The following EIF2AK3 variants were observed in gnomAD, a reference collection of about 807,000 sequenced individuals.
EIF2AK3 encodes eukaryotic translation initiation factor 2 alpha kinase 3.
EIF2AK3 carries 50 observed loss-of-function variants against 113.5 expected under a neutral mutation model. That is an observed-to-expected ratio of 0.44 (90% CI 0.35 to 0.56). The LOEUF is 0.56. EIF2AK3 is among the 20% of genes least tolerant of loss of function. EIF2AK3 has a pLI of 0.00. For synonymous variants in EIF2AK3, 448 were observed against 495.4 expected (o/e 0.90, Z 1.27); for missense variants, 1,185 against 1,378.0 (o/e 0.86, Z 2.22).
At chr2:88,562,455 T>G in intron 14 of EIF2AK3, 65 bp from the exon 15 acceptor site, 1 of 1,324,574 alleles carries the variant, frequency 7.5e-7, no homozygotes, top group African/African-American at 1.4e-5. Context: ...TATTACAGCA[T>G]TATTGAATCC....
chr2:88,571,840 C>T (rs1055422535), intron 13 of EIF2AK3, among the ~76,000 whole-genome samples: 1 of 152,172 alleles, frequency 6.6e-6, no homozygotes, highest in Non-Finnish European at 1.5e-5. Flanking sequence ...TCCCAGATCT[C>T]TGCCCTGAGT....
chr2:88,557,383 CCTT>C lies in EIF2AK3; in HGVS notation c.*350_*352del, dbSNP rs1047800138. ...TACAGTTACCACACAGGGGGACTTTCCTTCTTCTGCATTATAAAAATATATCCA... is the reference window on the plus strand; with the variant it reads ...TACAGTTACCACACAGGGGGACTTTCCTTCTGCATTATAAAAATATATCCA... On this transcript the variant is annotated 3_prime_UTR_variant, in exon 17 of 17. Transcript: ENST00000303236. 8 of 245,474 alleles carry C rather than the reference CCTT, an allele frequency of 3.3e-5. No individual in the cohort carries two copies. The East Asian group carries it at 5.5e-4, about 17-fold the overall frequency. 15.2% of individuals were successfully genotyped at this position (245,474 alleles called of 1,614,324 possible). A position where few individuals can be genotyped will look rare whatever the true frequency, so the allele number is the denominator to read the frequency against.
intron 13 of EIF2AK3, among the ~76,000 whole-genome samples, chr2:88,572,637 A>G (rs1200326395): frequency 6.6e-6 from 1 of 152,222 alleles, no homozygotes; most frequent in African/African-American, 2.4e-5. Flanking sequence ...GATCTCAGCT[A>G]AAGCTTTACC....
At chr2:88,617,780 T>C (rs1238325834) in intron 1 of EIF2AK3, among the ~76,000 whole-genome samples, 1 of 151,118 alleles carries the variant, frequency 6.6e-6, no homozygotes, top group Non-Finnish European at 1.5e-5. Context: ...AAAACTACCA[T>C]TGGGTACTAT....
rs1032902320 is a variant in EIF2AK3, at chr2:88,557,761, G to C, written c.3326C>G (p.Ser1109Cys). 1.2e-6 allele frequency: 2 copies of C among 1,614,002 alleles called. No homozygotes were observed. Among genetic ancestry groups the C allele is most frequent in the African/African-American group, 1.3e-5 (1 of 74,932 alleles). The change falls in exon 17 of 17, where the codon TCC becomes TGC. Residue 1109 changes from serine to cysteine, a missense_variant. Coordinates refer to ENST00000303236, the MANE Select transcript of EIF2AK3 (RefSeq NM_004836.7). ...CTAATTGCTTGGCAAAGGGCTATGG[G>C]AGTTGTTGGACTGTCTTGAATGTTT... is the stretch of plus-strand genomic sequence containing the variant. ...GTKHSRQSNN[S>C]HSPLPSN
intron 14 of EIF2AK3, among the ~76,000 whole-genome samples, chr2:88,566,294 TTC>T (rs968290203): frequency 1.3e-5 from 2 of 152,146 alleles, no homozygotes; most frequent in Non-Finnish European, 2.9e-5. Context: ...TATTTTTCAT[TTC>T]TTTCATTTTT....
intron 3 of EIF2AK3, among the ~76,000 whole-genome samples, chr2:88,594,895 T>TA (rs572357754): frequency 2.9e-5 from 4 of 137,480 alleles, no homozygotes; most frequent in Non-Finnish European, 3.2e-5. Context: ...AAATAATGTA[T>TA]AAAAAAAAGA....
At chr2:88,599,712 C>T (rs1054380894) in intron 2 of EIF2AK3, among the ~76,000 whole-genome samples, 1 of 152,080 alleles carries the variant, frequency 6.6e-6, no homozygotes, top group Non-Finnish European at 1.5e-5. Context: ...CTGCAGTAAA[C>T]AGATAGCGTT....
In EIF2AK3 at chr2:88,558,833, T is replaced by C. The variant is rs762127998; in HGVS notation, c.3150+84A>G. 81 of 1,120,634 alleles carry C rather than the reference T, an allele frequency of 7.2e-5. 1 individual carries two copies. Among genetic ancestry groups the C allele is most frequent in the Middle Eastern group, 6.0e-4 (3 of 5,028 alleles). The allele number at this position is 1,120,634 out of a possible 1,614,324, so 69.4% of individuals were successfully genotyped here. ...ACCTTTGGCTTCCTCATCTGTAAAA[T>C]AGGGGAAACTGAGTCGACTGCTAAG... On this transcript the variant is annotated intron_variant, in intron 16 of 16. Transcript: ENST00000303236.
intron 2 of EIF2AK3, among the ~76,000 whole-genome samples, chr2:88,601,862 CT>C (rs1675160237): frequency 2.2e-5 from 1 of 45,864 alleles, no homozygotes. Flanking sequence ...TTTTGCTTTT[CT>C]TTTTTTGAGA....
At chr2:88,604,251 C>T (rs10187483) in intron 2 of EIF2AK3, among the ~76,000 whole-genome samples, 22,550 of 152,068 alleles carry the variant, frequency 0.15, 2,860 homozygotes, top group African/African-American at 0.35. Flanking sequence ...GATCCTGGCC[C>T]ACCTCAATGG....
rs935323305 is a variant in EIF2AK3 at position 88,627,190 on chromosome 2, C to G, written c.85G>C (p.Ala29Pro). The change falls in exon 1 of 17, where the codon GCC (alanine) becomes CCC (proline). Residue 29 changes from alanine to proline, a missense_variant. Transcript: ENST00000303236. Reference protein sequence around the residue: ...LLLGLAARTVAAGRARGLPAP... With the variant: ...LLLGLAARTVPAGRARGLPAP... ...GGGAGGCCACGGGCGCGCCCCGCGG[C>G]CACCGTCCTTGCCGCGAGCCCCAGC... 15 of 1,453,526 alleles carry G rather than the reference C, an allele frequency of 1.0e-5. No individual in the cohort carries two copies. In the African/African-American group the frequency reaches 2.1e-4, roughly 20 times the overall value. The allele number at this position is 1,453,526 out of a possible 1,614,324, so 90.0% of individuals were successfully genotyped here.
chr2:88,574,606 T>C, intron 13 of EIF2AK3, 60 bp downstream of exon 13: 1 of 1,588,888 alleles, frequency 6.3e-7, no homozygotes, highest in Non-Finnish European at 8.6e-7. Flanking sequence ...CTGCAAGTAC[T>C]GCTCTGAATC....
intron 14 of EIF2AK3, among the ~76,000 whole-genome samples, chr2:88,563,716 T>C (rs181622895): frequency 6.6e-6 from 1 of 152,322 alleles, no homozygotes; most frequent in African/African-American, 2.4e-5. Flanking sequence ...CAAATGAATG[T>C]TGAATACTAT....
At chr2:88,610,404 C>T (rs1675426978) in intron 2 of EIF2AK3, among the ~76,000 whole-genome samples, 1 of 152,090 alleles carries the variant, frequency 6.6e-6, no homozygotes, top group African/African-American at 2.4e-5. Flanking sequence ...TTTCTGATTC[C>T]ACACTGCAAC....
In EIF2AK3 at chr2:88,565,198, G is replaced by A. The variant is rs569554860; in HGVS notation, c.2986-2808C>T. Among the ~76,000 whole-genome samples, 17 of 151,428 alleles carry A rather than the reference G, an allele frequency of 1.1e-4. No homozygotes were observed. In the South Asian group the frequency reaches 2.7e-3, roughly 24 times the overall value. On this transcript the variant is annotated intron_variant, in intron 14 of 16. Coordinates refer to ENST00000303236, the MANE Select transcript of EIF2AK3 (RefSeq NM_004836.7). ...ATTACAGGTGCCTGCCATCATGCCCGGTAATTTTTATATTTTCAGTAGAGA... is the reference window on the plus strand; with the variant it reads ...ATTACAGGTGCCTGCCATCATGCCCAGTAATTTTTATATTTTCAGTAGAGA...
chr2:88,624,350 G>A (rs931572191), intron 1 of EIF2AK3, among the ~76,000 whole-genome samples: 2 of 152,162 alleles, frequency 1.3e-5, no homozygotes, highest in African/African-American at 4.8e-5. Flanking sequence ...AGTAAGTTCG[G>A]AGGTTCCTTC....
Position 88,579,642 on chromosome 2 carries a change from T to G in EIF2AK3, c.1764-2A>C. On this transcript the variant is annotated splice_acceptor_variant, in intron 10 of 16. Transcript: ENST00000303236. LOFTEE classifies it high-confidence loss of function. Reference sequence around the variant, plus strand: ...ATTGGCTCAAAATCAGTTAGATATCTTTAAAAAGAGATAAAATTTATAAAG... The same window carrying G: ...ATTGGCTCAAAATCAGTTAGATATCGTTAAAAAGAGATAAAATTTATAAAG... 6.2e-7 allele frequency: 1 copy of G among 1,612,916 alleles called. No homozygotes were observed. The highest frequency in any genetic ancestry group is 8.5e-7 in the Non-Finnish European group (1 of 1,179,328).
chr2:88,606,008 T>C (rs1207233530), intron 2 of EIF2AK3, among the ~76,000 whole-genome samples: 1 of 152,216 alleles, frequency 6.6e-6, no homozygotes, highest in Non-Finnish European at 1.5e-5. Context: ...ATATGCTATA[T>C]GCTTAAATGT....
Sources: allele counts gnomAD v4.1 joint callset (sites outside exome capture counted in the v4.1 genomes callset), GRCh38; gene constraint gnomAD v4.1.1; transcripts MANE v1.5; gene names NCBI Gene and HGNC (gene_info 2026-07-23, HGNC 2026-07-21).